The following BTBD7 variants were observed in gnomAD, a reference collection of about 807,000 sequenced individuals.
BTBD7 encodes BTB domain containing 7, also known as BTB/POZ domain-containing protein 7.
In BTBD7, 38 loss-of-function variants were observed where a neutral mutation model predicts 99.9. That is an observed-to-expected ratio of 0.38 (90% confidence interval 0.29 to 0.50). The LOEUF is 0.50. Ranked by LOEUF, BTBD7 falls within the 20% of genes least tolerant of loss-of-function variation. The pLI is 0.93. For synonymous variants in BTBD7, 520 were observed against 511.4 expected (o/e 1.02, Z -0.23); for missense variants, 1,170 against 1,394.6 (o/e 0.84, Z 2.57).
At position 93,242,909 on chromosome 14, in the gene BTBD7, G is replaced by T. The variant is rs779592469; in HGVS notation, c.2763C>A (p.His921Gln). Residue 921 changes from histidine (H) to glutamine (Q), a missense_variant, in exon 11 of 11, where the codon CAC (histidine) becomes CAA (glutamine). Coordinates refer to ENST00000334746, the MANE Select transcript of BTBD7 (RefSeq NM_001002860.4). ...CTAGTGTGTGTTTTTTCCGAGAAGT[G>T]TGTGTATGTCTCTGTGGAATACACG... The part of the protein sequence containing the change: ...HLSCIPQRHT[H>Q]TSRKKHTLEQ... 2.5e-6 allele frequency: 4 copies of T among 1,614,028 alleles called. No individual in the cohort carries two copies. In the African/African-American group the frequency reaches 5.3e-5, roughly 22 times the overall value.
chr14:93,308,077 G>A (rs1217144386), intron 1 of BTBD7, among the ~76,000 whole-genome samples: 1 of 152,022 alleles, frequency 6.6e-6, no homozygotes, highest in Non-Finnish European at 1.5e-5. Context: ...GGCGGATCAT[G>A]AGGTCAGGAG....
At chr14:93,259,404 A>G (rs1036929076) in intron 5 of BTBD7, among the ~76,000 whole-genome samples, 25 of 152,186 alleles carry the variant, frequency 1.6e-4, no homozygotes, top group African/African-American at 6.0e-4. Flanking sequence ...CGAAAACATA[A>G]AAATGTAAAA....
At chr14:93,257,496 T>C (rs2052443667) in intron 5 of BTBD7, 141 bp from the exon 6 acceptor site, 1 of 684,914 alleles carries the variant, frequency 1.5e-6, no homozygotes, top group Admixed American at 3.6e-5. Context: ...AAATCAATTA[T>C]TTTCTTTCAT....
rs2052439984 is a variant in BTBD7, at chr14:93,257,232, T to C, written c.1571A>G (p.His524Arg). Reference protein sequence around the residue: ...SSLLPFVRIEHILPINSEVLS... With the variant: ...SSLLPFVRIERILPINSEVLS... ...GACTTCACTGTTTATAGGTAAGATG[T>C]GTTCAATTCGCACAAAAGGTAAGAG... is the stretch of plus-strand genomic sequence containing the variant. The change falls in exon 6 of 11, where the codon CAC becomes CGC. Residue 524 changes from histidine to arginine, a missense_variant. Around this residue, in one of 4 missense-constraint regions of BTBD7, gnomAD observed 309 missense variants for 342.0 expected, o/e 0.90. Coordinates refer to ENST00000334746, the MANE Select transcript of BTBD7 (RefSeq NM_001002860.4). 1 of 1,614,166 alleles carries C rather than the reference T, an allele frequency of 6.2e-7. No individual in the cohort carries two copies. Among genetic ancestry groups the C allele is most frequent in the Non-Finnish European group, 8.5e-7 (1 of 1,180,002 alleles).
At position 93,263,741 on chromosome 14, in the gene BTBD7, C is replaced by T. The variant is rs372048823; in HGVS notation, c.1371+44G>A. 63 of 1,550,788 alleles carry T rather than the reference C, an allele frequency of 4.1e-5. No individual in the cohort carries two copies. In the African/African-American group the frequency reaches 5.6e-4, roughly 14 times the overall value. On this transcript the variant is annotated intron_variant, in intron 4 of 10. Coordinates refer to ENST00000334746, the MANE Select transcript of BTBD7 (RefSeq NM_001002860.4). ...AATAGAGCATAGATGGGTTTCTTGG[C>T]GCACATATGAATGACAGAGTTTGAG... is the stretch of plus-strand genomic sequence containing the variant.
intron 1 of BTBD7, among the ~76,000 whole-genome samples, chr14:93,332,026 A>G (rs2053433701): frequency 6.6e-6 from 1 of 152,234 alleles, no homozygotes; most frequent in African/African-American, 2.4e-5. Context: ...GGCCTACTCC[A>G]GAGTACTTAT....
chr14:93,258,752 T>G (rs2052457974), intron 5 of BTBD7, among the ~76,000 whole-genome samples: 1 of 152,128 alleles, frequency 6.6e-6, no homozygotes, highest in East Asian at 1.9e-4. Context: ...ACGCAGCTAA[T>G]TTTTCTATTT....
Position 93,237,928 on chromosome 14 carries a change from C to G in BTBD7, c.*4345G>C, listed in dbSNP as rs1473486388. On this transcript the variant is annotated 3_prime_UTR_variant, in exon 11 of 11. Transcript: ENST00000334746. ...AGTAACAGCACAACCACAAGAAACG[C>G]AGTGTTGTAGATGATTTTCCACCTC... 1 of 152,552 alleles carries G rather than the reference C, an allele frequency of 6.6e-6. No individual in the cohort carries two copies. The highest frequency in any genetic ancestry group is 1.9e-4 in the East Asian group (1 of 5,192). 9.4% of individuals were successfully genotyped at this position (152,552 alleles called of 1,614,324 possible).
intron 3 of BTBD7, among the ~76,000 whole-genome samples, chr14:93,276,008 A>G (rs929886294): frequency 1.3e-5 from 2 of 152,090 alleles, no homozygotes; most frequent in Admixed American, 6.5e-5. Context: ...TGAGCCCAGG[A>G]GTCCAAGACC....
intron 3 of BTBD7, among the ~76,000 whole-genome samples, chr14:93,277,369 C>T (rs2052667764): frequency 1.3e-5 from 2 of 152,158 alleles, no homozygotes; most frequent in African/African-American, 4.8e-5. Context: ...TGTCAGTTCT[C>T]TGCACAAAGA....
Position 93,240,762 on chromosome 14 carries a change from T to C in BTBD7, c.*1511A>G, listed in dbSNP as rs907713063. On this transcript the variant is annotated 3_prime_UTR_variant, in exon 11 of 11. Coordinates refer to ENST00000334746, the MANE Select transcript of BTBD7 (RefSeq NM_001002860.4). The stretch of plus-strand genomic sequence containing the variant: ...AAAAAAACAGTCCTTAGCTCACACA[T>C]TGCCCTTCCAAGGGAGAGGATCCTG... 1 of 152,656 alleles carries C rather than the reference T, an allele frequency of 6.6e-6. No individual in the cohort carries two copies. The highest frequency in any genetic ancestry group is 2.4e-5 in the African/African-American group (1 of 41,468). The allele number at this position is 152,656 out of a possible 1,614,324, so 9.5% of individuals were successfully genotyped here.
At chr14:93,275,584 T>C (rs967106482) in intron 3 of BTBD7, among the ~76,000 whole-genome samples, 8 of 152,322 alleles carry the variant, frequency 5.3e-5, no homozygotes, top group African/African-American at 1.9e-4. Context: ...TTAGGCAATT[T>C]CATCATTGTG....
chr14:93,254,983 G>A (rs921243672), intron 6 of BTBD7, among the ~76,000 whole-genome samples: 4 of 151,762 alleles, frequency 2.6e-5, no homozygotes, highest in African/African-American at 9.7e-5. Context: ...ACCAAAAGTT[G>A]TTTCTCCAAT....
chr14:93,294,324 G>A lies in BTBD7; in HGVS notation c.696C>T (p.Ser232=). The A allele has an allele frequency of 6.2e-7, 1 of 1,613,988 alleles. No homozygotes were observed. Among genetic ancestry groups the A allele is most frequent in the East Asian group, 2.2e-5 (1 of 44,876 alleles). Residue 232 remains serine, a synonymous_variant, in exon 3 of 11, where the codon TCC becomes TCT. Transcript: ENST00000334746. The part of the protein sequence containing the change: ...QLSEEFGTPN[S]LDVDMRGLFD... ...AGAGTCCACGCATATCTACATCAAG[G>A]GAATTTGGTGTTCCAAATTCTTCAC...
At chr14:93,287,920 C>T (rs563032748) in intron 3 of BTBD7, 3 of 152,286 alleles carry the variant, frequency 2.0e-5, no homozygotes, top group Non-Finnish European at 4.4e-5. Context: ...GGCAGTTTTT[C>T]GAGGTATGAC....
chr14:93,275,927 G>C (rs2052651552), intron 3 of BTBD7, among the ~76,000 whole-genome samples: 1 of 152,136 alleles, frequency 6.6e-6, no homozygotes, highest in Non-Finnish European at 1.5e-5. Context: ...CGTTTTAATA[G>C]TCTTGGCCAT....
At chr14:93,277,285 G>A (rs2052666859) in intron 3 of BTBD7, among the ~76,000 whole-genome samples, 5 of 152,010 alleles carry the variant, frequency 3.3e-5, no homozygotes, top group African/African-American at 7.3e-5. Flanking sequence ...TATCTAATAC[G>A]GCATTTAAAA....
At chr14:93,297,725 G>A (rs1236698894) in intron 1 of BTBD7, among the ~76,000 whole-genome samples, 5 of 152,178 alleles carry the variant, frequency 3.3e-5, no homozygotes, top group Non-Finnish European at 7.3e-5. Context: ...AAGAAAATAA[G>A]GGCCTGGAGG....
At chr14:93,248,402 G>C in intron 9 of BTBD7, 74 bp downstream of exon 9, 1 of 1,491,306 alleles carries the variant, frequency 6.7e-7, no homozygotes, top group Non-Finnish European at 9.1e-7. Flanking sequence ...CCAAGGACTC[G>C]TCAGGATGCC....
Sources: gnomAD v4.1 joint callset for allele counts (sites outside exome capture counted in the v4.1 genomes callset) on GRCh38, gnomAD v4.1.1 for gene constraint, gnomAD v4.1.1 regional missense constraint, MANE v1.5 for transcripts, NCBI Gene and HGNC (gene_info 2026-07-23, HGNC 2026-07-21) for gene names.